Variants in MB21D2 observed in about 807,000 individuals in gnomAD.
The protein encoded by MB21D2 is nucleotidyltransferase MB21D2.
A neutral mutation model predicts 33.3 loss-of-function variants in MB21D2; 9 were observed. The ratio of observed to expected loss-of-function variants is 0.27; its 90% CI spans 0.16 to 0.47. The LOEUF (loss-of-function observed/expected upper bound fraction) is 0.47, where lower values mean the gene tolerates loss of function less well. Ranked by LOEUF, MB21D2 falls within the 20% of genes least tolerant of loss-of-function variation. The probability of loss-of-function intolerance (pLI) is 0.99; values close to 1 mark genes in which losing one functional copy is unlikely to be tolerated. For missense variants in MB21D2, 540 were observed against 624.6 expected (o/e 0.86, Z 1.44); for synonymous variants, 241 against 236.3 (o/e 1.02, Z -0.18).
chr3:192,843,536 T>G (rs1323058011), intron 1 of MB21D2, among the ~76,000 whole-genome samples: 2 of 152,050 alleles, frequency 1.3e-5, no homozygotes, highest in Non-Finnish European at 2.9e-5. Context: ...GGACATTTGC[T>G]CATGAAAGTT....
At chr3:192,911,427 A>T (rs967233187) in intron 1 of MB21D2, among the ~76,000 whole-genome samples, 3 of 152,186 alleles carry the variant, frequency 2.0e-5, no homozygotes, top group Admixed American at 2.0e-4. Flanking sequence ...TAGGCTCAGC[A>T]GCTTGGTTCT....
intron 1 of MB21D2, among the ~76,000 whole-genome samples, chr3:192,809,756 AT>A (rs1711746207): frequency 6.6e-6 from 1 of 152,230 alleles, no homozygotes; most frequent in Admixed American, 6.5e-5. Flanking sequence ...TATAGATGAC[AT>A]TATAAAAAGA....
At chr3:192,825,586 T>C (rs1712157792) in intron 1 of MB21D2, among the ~76,000 whole-genome samples, 2 of 152,256 alleles carry the variant, frequency 1.3e-5, no homozygotes, top group East Asian at 3.8e-4. Flanking sequence ...ATTTAAATAA[T>C]TAAAATTTTC....
At chr3:192,902,819 C>G (rs998575464) in intron 1 of MB21D2, among the ~76,000 whole-genome samples, 8 of 152,150 alleles carry the variant, frequency 5.3e-5, no homozygotes, top group African/African-American at 1.9e-4. Flanking sequence ...AGCCACAGGC[C>G]GGTCCTATAG....
chr3:192,856,585 G>A (rs764818619), intron 1 of MB21D2, among the ~76,000 whole-genome samples: 18 of 151,858 alleles, frequency 1.2e-4, no homozygotes, highest in Non-Finnish European at 2.4e-4. Flanking sequence ...AGACAGTCTT[G>A]CTCTGTCACC....
At chr3:192,908,222 C>G (rs1714253673) in intron 1 of MB21D2, among the ~76,000 whole-genome samples, 1 of 152,020 alleles carries the variant, frequency 6.6e-6, no homozygotes. Flanking sequence ...GGGAAGAGCT[C>G]TTTTAAAGAG....
intron 1 of MB21D2, among the ~76,000 whole-genome samples, chr3:192,817,082 T>C (rs1711941942): frequency 1.3e-5 from 2 of 152,214 alleles, no homozygotes; most frequent in Non-Finnish European, 2.9e-5. Flanking sequence ...ATGTGACTTT[T>C]AAAAATAAAT....
intron 1 of MB21D2, among the ~76,000 whole-genome samples, chr3:192,887,073 C>T (rs1043649613): frequency 2.0e-5 from 3 of 152,054 alleles, no homozygotes; most frequent in Admixed American, 6.5e-5. Flanking sequence ...TTCGAGAAGA[C>T]GCTGAACCAA....
At chr3:192,868,412 T>G (rs540711582) in intron 1 of MB21D2, among the ~76,000 whole-genome samples, 1 of 152,244 alleles carries the variant, frequency 6.6e-6, no homozygotes, top group African/African-American at 2.4e-5. Context: ...AAACAAGGAC[T>G]AGTGACATCA....
intron 1 of MB21D2, among the ~76,000 whole-genome samples, chr3:192,896,156 A>T (rs557975220): frequency 1.6e-4 from 25 of 152,290 alleles, no homozygotes; most frequent in African/African-American, 5.3e-4. Flanking sequence ...AAACCTTTTT[A>T]AAAAAACATG....
intron 1 of MB21D2, among the ~76,000 whole-genome samples, chr3:192,894,012 G>A (rs1349734713): frequency 3.3e-5 from 5 of 152,020 alleles, no homozygotes; most frequent in African/African-American, 4.8e-5. Context: ...TCCAGCCTAG[G>A]GAACAGAGAC....
At chr3:192,882,392 G>A (rs918048304) in intron 1 of MB21D2, among the ~76,000 whole-genome samples, 3 of 140,464 alleles carry the variant, frequency 2.1e-5, no homozygotes, top group Admixed American at 1.4e-4. Flanking sequence ...AAACAAAATG[G>A]CCAAATGAAT....
chr3:192,866,937 T>C (rs796845878), intron 1 of MB21D2, among the ~76,000 whole-genome samples: 16 of 152,260 alleles, frequency 1.1e-4, no homozygotes, highest in African/African-American at 3.4e-4. Flanking sequence ...GAATGTAAAT[T>C]TTCCTTCCTC....
chr3:192,798,414 T>C lies in MB21D2; in HGVS notation c.1448A>G (p.His483Arg). ...GAAAAATTTGTCATCAATTCTGAAA[T>C]GGGGCCTTGTGACATCGTCAGGATT... Reference protein sequence around the residue: ...FINPDDVTRPHFRIDDKFF With the variant: ...FINPDDVTRPRFRIDDKFF Residue 483 changes from histidine (H) to arginine (R), a missense_variant, in exon 2 of 2, where the codon CAT becomes CGT. His to Arg is a conservative substitution (Grantham distance 29, BLOSUM62 0). Coordinates refer to ENST00000392452, the MANE Select transcript of MB21D2 (RefSeq NM_178496.4). This position sits in a 1 kb window ranked among gnomAD's most constrained non-coding sequence, Gnocchi z 4.8. 6.2e-7 allele frequency: 1 copy of C among 1,613,818 alleles called. No individual in the cohort carries two copies. The highest frequency in any genetic ancestry group is 8.5e-7 in the Non-Finnish European group (1 of 1,179,856).
chr3:192,828,046 C>G (rs1399662914), intron 1 of MB21D2, among the ~76,000 whole-genome samples: 1 of 152,206 alleles, frequency 6.6e-6, no homozygotes, highest in South Asian at 2.1e-4. Context: ...CTCTTGTCTG[C>G]CGCCATATAA....
intron 1 of MB21D2, among the ~76,000 whole-genome samples, chr3:192,860,555 G>C (rs1482819648): frequency 6.6e-6 from 1 of 152,200 alleles, no homozygotes; most frequent in East Asian, 1.9e-4. Flanking sequence ...GAAATTGAGA[G>C]AAAATATAGT....
chr3:192,886,286 A>C (rs978201497), intron 1 of MB21D2, among the ~76,000 whole-genome samples: 13 of 152,104 alleles, frequency 8.5e-5, no homozygotes, highest in Non-Finnish European at 1.5e-4. Context: ...CAAAGTCTCC[A>C]TTGTTTTGTG....
intron 1 of MB21D2, among the ~76,000 whole-genome samples, chr3:192,829,167 G>A (rs1361755819): frequency 3.3e-5 from 5 of 152,118 alleles, no homozygotes; most frequent in African/African-American, 1.2e-4. Flanking sequence ...ACAGTACGTA[G>A]CCTTTTATAA....
chr3:192,824,662 C>A (rs1271695281), intron 1 of MB21D2, among the ~76,000 whole-genome samples: 4 of 152,134 alleles, frequency 2.6e-5, no homozygotes, highest in Non-Finnish European at 4.4e-5. Context: ...CAGCCCACAG[C>A]CTGTATTTAA....
Sources: allele counts gnomAD v4.1 joint callset (sites outside exome capture counted in the v4.1 genomes callset), GRCh38; gene constraint gnomAD v4.1.1; non-coding constraint Gnocchi (gnomAD v3.1); transcripts MANE v1.5; gene names NCBI Gene and HGNC (gene_info 2026-07-23, HGNC 2026-07-21).